Variants in KLF13 observed in about 807,000 individuals in gnomAD.
The protein encoded by KLF13 is KLF transcription factor 13.
KLF13 carries 8 observed loss-of-function variants against 16.7 expected under a neutral mutation model. That is an observed-to-expected ratio of 0.48 (90% CI 0.28 to 0.87). The LOEUF (loss-of-function observed/expected upper bound fraction) is 0.87. Among genes scored for constraint, KLF13 ranks in the 40% least tolerant of loss-of-function variants. The probability of loss-of-function intolerance (pLI) is 0.10; values close to 1 mark genes in which losing one functional copy is unlikely to be tolerated. For missense variants in KLF13, 447 were observed against 452.2 expected (o/e 0.99, Z 0.10); for synonymous variants, 245 against 208.4 (o/e 1.18, Z -1.51).
intron 1 of KLF13, among the ~76,000 whole-genome samples, chr15:31,368,861 T>C (rs1336210110): frequency 3.9e-5 from 6 of 152,090 alleles, no homozygotes; most frequent in Non-Finnish European, 7.4e-5. Context: ...GATAGATAGA[T>C]ACCCATAACA....
chr15:31,423,568 G>T (rs1274059017), intron 1 of KLF13, among the ~76,000 whole-genome samples: 5 of 152,080 alleles, frequency 3.3e-5, no homozygotes, highest in East Asian at 1.9e-4. Flanking sequence ...GGAAGCGGAG[G>T]TTGCAGTGAG....
chr15:31,419,586 A>G (rs1336594348), intron 1 of KLF13, among the ~76,000 whole-genome samples: 1 of 152,206 alleles, frequency 6.6e-6, no homozygotes, highest in East Asian at 1.9e-4. Context: ...GAATCAGTGA[A>G]GTTGAAGACA....
chr15:31,418,700 A>AGT (rs1555382997), intron 1 of KLF13, among the ~76,000 whole-genome samples: 1 of 152,118 alleles, frequency 6.6e-6, no homozygotes, highest in Non-Finnish European at 1.5e-5. Flanking sequence ...CAGTAAGAAA[A>AGT]TTTTTTCTAC....
chr15:31,417,559 A>T (rs1446255467), intron 1 of KLF13, among the ~76,000 whole-genome samples: 4 of 151,570 alleles, frequency 2.6e-5, no homozygotes, highest in African/African-American at 4.9e-5. Flanking sequence ...CCTTTTTTTT[A>T]AAACAGAGTT....
intron 1 of KLF13, among the ~76,000 whole-genome samples, chr15:31,382,929 A>AC (rs1229124481): frequency 6.6e-6 from 1 of 152,158 alleles, no homozygotes; most frequent in Non-Finnish European, 1.5e-5. Flanking sequence ...GGGTGTCCTG[A>AC]CCCCAGCTCC....
At chr15:31,353,035 G>A (rs1205155848) in intron 1 of KLF13, among the ~76,000 whole-genome samples, 1 of 152,246 alleles carries the variant, frequency 6.6e-6, no homozygotes, top group African/African-American at 2.4e-5. Context: ...CTTGCTCTGG[G>A]TGGGCCTTCC....
rs1204948852 is a variant in KLF13, at chr15:31,410,108, G to A, written n.117+16417G>A. ...ATGTGTGACAATAGCAGAAAGGATG[G>A]AGGAAATAATTGAGAATATAACAAT... On this transcript the variant is annotated intron_variant and non_coding_transcript_variant, in intron 1 of 1. Coordinates refer to the KLF13 transcript ENST00000558225. Among the ~76,000 whole-genome samples, 4 of 152,106 alleles carry A rather than the reference G, an allele frequency of 2.6e-5. No homozygotes were observed. The East Asian group carries it at 7.7e-4, about 29-fold the overall frequency.
At chr15:31,345,506 A>C (rs1038311241) in intron 1 of KLF13, among the ~76,000 whole-genome samples, 2 of 152,198 alleles carry the variant, frequency 1.3e-5, no homozygotes, top group African/African-American at 4.8e-5. Flanking sequence ...CCGCGTGCCT[A>C]GCAGCAAGCA....
intron 1 of KLF13, among the ~76,000 whole-genome samples, chr15:31,363,797 C>T (rs549436072): frequency 4.1e-4 from 62 of 152,304 alleles, no homozygotes; most frequent in African/African-American, 1.4e-3. Context: ...TTAGTCTTTT[C>T]TTTTATGGTT....
intron 1 of KLF13, among the ~76,000 whole-genome samples, chr15:31,340,534 A>AC (rs1285140311): frequency 5.9e-5 from 9 of 151,884 alleles, no homozygotes; most frequent in Non-Finnish European, 1.0e-4. Context: ...TGCTAACATC[A>AC]CCCCCTTCAA....
intron 1 of KLF13, among the ~76,000 whole-genome samples, chr15:31,350,433 A>G (rs1226496473): frequency 1.3e-5 from 2 of 152,176 alleles, no homozygotes; most frequent in Admixed American, 6.6e-5. Flanking sequence ...CTCATTACAG[A>G]TCTCAAAGGA....
chr15:31,433,940 C>T (rs1359435599), intron 1 of KLF13, among the ~76,000 whole-genome samples: 1 of 152,192 alleles, frequency 6.6e-6, no homozygotes, highest in Non-Finnish European at 1.5e-5. Context: ...ATCTTCTGGC[C>T]CCAGACCACC....
chr15:31,340,750 A>G (rs1266569605), intron 1 of KLF13, among the ~76,000 whole-genome samples: 1 of 152,096 alleles, frequency 6.6e-6, no homozygotes, highest in Non-Finnish European at 1.5e-5. Flanking sequence ...ACACACCTGT[A>G]CCAGCTGCTC....
At chr15:31,330,442 G>C (rs2038808091) in intron 1 of KLF13, among the ~76,000 whole-genome samples, 1 of 152,204 alleles carries the variant, frequency 6.6e-6, no homozygotes, top group Non-Finnish European at 1.5e-5. Flanking sequence ...GTTCCTCTAT[G>C]TGACCAGGGA....
At chr15:31,434,603 G>T (rs2040508641) in intron 1 of KLF13, among the ~76,000 whole-genome samples, 1 of 152,192 alleles carries the variant, frequency 6.6e-6, no homozygotes, top group African/African-American at 2.4e-5. Context: ...TGACGTGTCT[G>T]GAGCTCCCTG....
chr15:31,327,358 T>C lies in KLF13; in HGVS notation c.146T>C (p.Val49Ala). 1 of 1,279,082 alleles carries C rather than the reference T, an allele frequency of 7.8e-7. No individual in the cohort carries two copies. The highest frequency in any genetic ancestry group is 9.9e-7 in the Non-Finnish European group (1 of 1,014,374). The allele number at this position is 1,279,082 out of a possible 1,614,324, so 79.2% of individuals were successfully genotyped here. Residue 49 changes from valine (V) to alanine (A), a missense_variant, in exon 1 of 2, where the codon GTC becomes GCC. Val to Ala is a moderately conservative substitution (Grantham distance 64). This residue lies in a region of KLF13 where 359 missense variants were observed against 282.8 expected (regional missense o/e 1.27). Coordinates refer to ENST00000307145, the MANE Select transcript of KLF13 (RefSeq NM_015995.4). ...GCCGCCACCCCCACGCTGCCCCGCGTCGAGGAGCGCCGCGACGGTAAGGAC... is the reference window on the plus strand; with the variant it reads ...GCCGCCACCCCCACGCTGCCCCGCGCCGAGGAGCGCCGCGACGGTAAGGAC... ...AVAATPTLPRVEERRDGKDSA... is the reference protein window; with the variant it reads ...AVAATPTLPRAEERRDGKDSA...
At chr15:31,343,431 G>A (rs968875991) in intron 1 of KLF13, among the ~76,000 whole-genome samples, 1 of 152,210 alleles carries the variant, frequency 6.6e-6, no homozygotes, top group African/African-American at 2.4e-5. Flanking sequence ...CCTCCCACCA[G>A]GTGTCGGCCC....
At chr15:31,387,444 A>G (rs1227356830) in intron 1 of KLF13, among the ~76,000 whole-genome samples, 1 of 152,006 alleles carries the variant, frequency 6.6e-6, no homozygotes, top group Non-Finnish European at 1.5e-5. Context: ...TATGTACATT[A>G]TTTTTATAGA....
upstream of KLF13, among the ~76,000 whole-genome samples, chr15:31,389,561 C>G (rs769059654): frequency 1.3e-5 from 2 of 152,232 alleles, no homozygotes; most frequent in Non-Finnish European, 1.5e-5. Context: ...CTCTCTGAAA[C>G]TTTACATTAG....
Sources: allele counts gnomAD v4.1 joint callset (sites outside exome capture counted in the v4.1 genomes callset), GRCh38; gene constraint gnomAD v4.1.1; regional missense constraint gnomAD v4.1.1; transcripts MANE v1.5; gene names NCBI Gene and HGNC (gene_info 2026-07-23, HGNC 2026-07-21).